Variants in TTC39B observed in about 807,000 individuals in gnomAD.
TTC39B encodes tetratricopeptide repeat domain 39B.
TTC39B carries 92 observed loss-of-function variants against 96.6 expected under a neutral mutation model. The ratio of observed to expected loss-of-function variants is 0.95; its 90% confidence interval spans 0.80 to 1.13. The LOEUF is 1.13. Ranked by LOEUF, TTC39B falls within the 50% of genes most tolerant of loss-of-function variation. TTC39B has a pLI of 0.00. For missense variants in TTC39B, 955 were observed against 809.3 expected, an observed-to-expected ratio of 1.18 and a Z score of -2.18; for synonymous variants, 367 against 299.4, an observed-to-expected ratio of 1.23 and a Z score of -2.33.
At chr9:15,303,381 T>A in intron 1 of TTC39B, among the ~76,000 whole-genome samples, 1 of 147,512 alleles carries the variant, frequency 6.8e-6, no homozygotes, top group East Asian at 1.9e-4. Flanking sequence ...AAAAGTGATT[T>A]TTTTTTTTTT....
At chr9:15,291,694 A>T (rs1402789031) in intron 1 of TTC39B, among the ~76,000 whole-genome samples, 4 of 152,188 alleles carry the variant, frequency 2.6e-5, no homozygotes, top group Non-Finnish European at 5.9e-5. Context: ...AGCCATTACC[A>T]GTTGAACAAA....
Position 15,306,332 on chromosome 9 carries a change from GC to G in TTC39B, c.240+751del, listed in dbSNP as rs1272706407. Among the ~76,000 whole-genome samples the G allele has an allele frequency of 1.3e-5, 2 of 152,146 alleles. No homozygotes were observed. Among genetic ancestry groups the G allele is most frequent in the Non-Finnish European group, 2.9e-5 (2 of 68,044 alleles). ...GGCGCGCTAGCCCCTGGGTGCTCAGGCCCGGGCGCGCCACGACTGAAGGAGT... is the reference window on the plus strand; with the variant it reads ...GGCGCGCTAGCCCCTGGGTGCTCAGGCCGGGCGCGCCACGACTGAAGGAGT... On this transcript the variant is annotated intron_variant, in intron 1 of 19. Transcript: ENST00000512701. The surrounding 1 kb of genome is among the most constrained non-coding windows in gnomAD (Gnocchi z 5.1).
At chr9:15,304,659 C>T (rs1452393936) in intron 1 of TTC39B, among the ~76,000 whole-genome samples, 4 of 151,890 alleles carry the variant, frequency 2.6e-5, no homozygotes, top group South Asian at 2.1e-4. Context: ...ACCTCCCCCC[C>T]GACCCCTCTC....
intron 3 of TTC39B, among the ~76,000 whole-genome samples, chr9:15,218,633 T>TAA (rs1554774365): frequency 9.0e-5 from 12 of 133,154 alleles, no homozygotes; most frequent in South Asian, 2.3e-4. Context: ...TAGTCTATTT[T>TAA]AAATATATAT....
rs1199912178 is a variant in TTC39B at position 15,189,101 on chromosome 9, G to T, written c.1233+473C>A. Among the ~76,000 whole-genome samples, 3 of 152,096 alleles carry T rather than the reference G, an allele frequency of 2.0e-5. No individual in the cohort carries two copies. The East Asian group carries it at 5.8e-4, about 29-fold the overall frequency. ...TGATCCCATTTGTGTGGAAAAAATG[G>T]TTTGTGAATGTATATACATAAATGG... On this transcript the variant is annotated intron_variant, in intron 13 of 19. Transcript: ENST00000512701.
rs527990823 is a variant in TTC39B, at chr9:15,282,660, A to G, written c.241-14712T>C. Among the ~76,000 whole-genome samples, 6 of 152,348 alleles carry G rather than the reference A, an allele frequency of 3.9e-5. No individual in the cohort carries two copies. The South Asian group carries it at 1.2e-3, about 32-fold the overall frequency. On this transcript the variant is annotated intron_variant, in intron 1 of 19. Coordinates refer to ENST00000512701, the Ensembl canonical transcript of TTC39B. ...CACTCTATGAGCCAGACACTGCTCC[A>G]CAAACTTTTACATATAACAACTGAT...
At chr9:15,226,163 T>A (rs1033345589) in intron 2 of TTC39B, 151 bp from the exon 3 acceptor site, 1 of 604,468 alleles carries the variant, frequency 1.7e-6, no homozygotes, top group Admixed American at 3.1e-5. Context: ...GTAACAAAAA[T>A]CTACTGTTAT....
intron 6 of TTC39B, among the ~76,000 whole-genome samples, chr9:15,207,567 G>A (rs1230947809): frequency 6.6e-6 from 1 of 152,126 alleles, no homozygotes; most frequent in African/African-American, 2.4e-5. Context: ...CTGCTAGGTG[G>A]GGAATCCTGG....
At chr9:15,296,601 T>A (rs1207844842) in intron 1 of TTC39B, among the ~76,000 whole-genome samples, 4 of 152,126 alleles carry the variant, frequency 2.6e-5, no homozygotes, top group Admixed American at 1.3e-4. Flanking sequence ...TTCAAGCAAT[T>A]CTCCTGCCTC....
intron 2 of TTC39B, among the ~76,000 whole-genome samples, chr9:15,250,788 C>G (rs957418420): frequency 1.3e-5 from 2 of 152,170 alleles, no homozygotes; most frequent in East Asian, 1.9e-4. Flanking sequence ...AAAAGCTCTC[C>G]TGGGGAATAA....
Position 15,209,162 on chromosome 9 carries a change from CT to C in TTC39B, c.691+925del, listed in dbSNP as rs532819977. Reference sequence around the variant, plus strand: ...TTCTACAATAGTGACATTTGAAGGACTTTTTTTTTTCCTTCTACAGGAATAT... The same window carrying C: ...TTCTACAATAGTGACATTTGAAGGACTTTTTTTTTCCTTCTACAGGAATAT... On this transcript the variant is annotated intron_variant, in intron 6 of 19. Coordinates refer to ENST00000512701, the Ensembl canonical transcript of TTC39B. 8.7e-3 allele frequency among the ~76,000 whole-genome samples: 1,303 copies of C among 150,142 alleles called. 8 individuals are homozygous for C. Among genetic ancestry groups the C allele is most frequent in the Admixed American group, 0.017 (252 of 15,062 alleles).
chr9:15,231,179 T>C (rs1462293053), intron 2 of TTC39B, among the ~76,000 whole-genome samples: 1 of 152,194 alleles, frequency 6.6e-6, no homozygotes. Context: ...CCGATTTTTT[T>C]AATTTTTATT....
At chr9:15,307,022 T>C in intron 1 of TTC39B, 62 bp downstream of exon 1, 1 of 1,577,632 alleles carries the variant, frequency 6.3e-7, no homozygotes, top group Non-Finnish European at 8.6e-7. Context: ...GGCTCACTCT[T>C]CTCTCCCGGA....
At chr9:15,278,302 A>C (rs984758897) in intron 1 of TTC39B, among the ~76,000 whole-genome samples, 1 of 152,244 alleles carries the variant, frequency 6.6e-6, no homozygotes, top group Non-Finnish European at 1.5e-5. Flanking sequence ...CCACAGAGAA[A>C]TAAGTATATA....
At chr9:15,287,358 C>G (rs1824010440) in intron 1 of TTC39B, among the ~76,000 whole-genome samples, 1 of 152,164 alleles carries the variant, frequency 6.6e-6, no homozygotes, top group South Asian at 2.1e-4. Flanking sequence ...ATTAAGAAAG[C>G]TGAGAAACAG....
exon 20 of TTC39B, chr9:15,164,214 G>A (rs1408601909): frequency 6.6e-6 from 1 of 152,174 alleles, no homozygotes; most frequent in Non-Finnish European, 1.5e-5. Context: ...CTGAGAGTGG[G>A]AAAGATTGGA....
chr9:15,172,489 A>G (rs1377450126), intron 19 of TTC39B, among the ~76,000 whole-genome samples: 1 of 152,200 alleles, frequency 6.6e-6, no homozygotes, highest in Non-Finnish European at 1.5e-5. Context: ...AAACATGGTT[A>G]GCATGATCAC....
chr9:15,190,745 A>AG lies in TTC39B; in HGVS notation c.997-84dup, dbSNP rs139049926. The AG allele has an allele frequency of 4.5e-6, 5 of 1,112,914 alleles. No individual in the cohort carries two copies. The East Asian group carries it at 1.0e-4, about 23-fold the overall frequency. The allele number at this position is 1,112,914 out of a possible 1,614,324, so 68.9% of individuals were successfully genotyped here. ...AACTTTTTAAACATTTTTATATATT[A>AG]GGGGGGTTACAAGTACAGATTTCAT... On this transcript the variant is annotated intron_variant, in intron 10 of 19. Transcript: ENST00000512701.
chr9:15,199,796 T>C (rs1819423827), intron 8 of TTC39B, 65 bp downstream of exon 8: 1 of 448,732 alleles, frequency 2.2e-6, no homozygotes, highest in Non-Finnish European at 3.9e-6. Context: ...TTAGGAGAAC[T>C]GTGAAGAACA....
Sources: gnomAD v4.1 joint callset for allele counts (sites outside exome capture counted in the v4.1 genomes callset) on GRCh38, gnomAD v4.1.1 for gene constraint, Gnocchi (gnomAD v3.1) non-coding constraint, MANE v1.5 for transcripts, NCBI Gene and HGNC (gene_info 2026-07-23, HGNC 2026-07-21) for gene names.